The following CPPED1 variants were observed in gnomAD, a reference collection of about 807,000 sequenced individuals.
The protein encoded by CPPED1 is calcineurin like phosphoesterase domain containing 1, also known as serine/threonine-protein phosphatase CPPED1.
A neutral mutation model predicts 28.0 loss-of-function variants in CPPED1; 28 were observed. The ratio of observed to expected loss-of-function variants is 1.00; its 90% CI spans 0.74 to 1.37. CPPED1 has a LOEUF of 1.37. CPPED1 is among the 40% of genes most tolerant of loss of function. The pLI is 0.00. For synonymous variants in CPPED1, 198 were observed against 180.2 expected (o/e 1.10, Z -0.79); for missense variants, 504 against 416.5 (o/e 1.21, Z -1.83).
chr16:12,788,811 A>G (rs2080579438), intron 1 of CPPED1, among the ~76,000 whole-genome samples: 1 of 152,138 alleles, frequency 6.6e-6, no homozygotes. Context: ...CGTCTTGATA[A>G]ATGGGCTGTA....
At chr16:12,767,708 C>T (rs1438664222) in intron 2 of CPPED1, among the ~76,000 whole-genome samples, 1 of 152,184 alleles carries the variant, frequency 6.6e-6, no homozygotes, top group Non-Finnish European at 1.5e-5. Flanking sequence ...CCTGTAATCC[C>T]AGCACTTGGG....
At chr16:12,700,745 C>A (rs760872190) in intron 3 of CPPED1, among the ~76,000 whole-genome samples, 1 of 152,188 alleles carries the variant, frequency 6.6e-6, no homozygotes, top group African/African-American at 2.4e-5. Context: ...TTATTATGAG[C>A]TAATATCTGA....
At chr16:12,731,246 C>G (rs904998254) in intron 2 of CPPED1, among the ~76,000 whole-genome samples, 1 of 151,362 alleles carries the variant, frequency 6.6e-6, no homozygotes, top group African/African-American at 2.4e-5. Flanking sequence ...CTCCACCCCC[C>G]GGGTTCATGC....
intron 2 of CPPED1, among the ~76,000 whole-genome samples, chr16:12,735,182 A>AGTT (rs2080220345): frequency 6.6e-6 from 1 of 152,044 alleles, no homozygotes; most frequent in Non-Finnish European, 1.5e-5. Context: ...CTCCCAACAT[A>AGTT]CTCCATGGAC....
At chr16:12,731,949 G>C (rs1199531752) in intron 2 of CPPED1, among the ~76,000 whole-genome samples, 2 of 151,980 alleles carry the variant, frequency 1.3e-5, no homozygotes, top group African/African-American at 2.4e-5. Context: ...GATCACCTGA[G>C]GTCAGGTGTT....
At chr16:12,706,900 C>G (rs988944522) in intron 2 of CPPED1, among the ~76,000 whole-genome samples, 19 of 152,182 alleles carry the variant, frequency 1.2e-4, no homozygotes, top group African/African-American at 4.6e-4. Flanking sequence ...CGGCCTGAAG[C>G]CTAGTGGAGG....
chr16:12,702,834 C>A (rs1325657726), intron 3 of CPPED1, among the ~76,000 whole-genome samples: 1 of 151,720 alleles, frequency 6.6e-6, no homozygotes, highest in Non-Finnish European at 1.5e-5. Context: ...CTAAACCTGG[C>A]CAAACTGTCT....
chr16:12,781,441 T>G, intron 1 of CPPED1, 38 bp from the exon 2 acceptor site: 1 of 1,585,710 alleles, frequency 6.3e-7, no homozygotes, highest in Non-Finnish European at 8.6e-7. Context: ...GGAGAAATCT[T>G]GTAAAATCTG....
chr16:12,771,693 A>C (rs531712632), intron 2 of CPPED1, among the ~76,000 whole-genome samples: 1 of 152,342 alleles, frequency 6.6e-6, no homozygotes, highest in East Asian at 1.9e-4. Flanking sequence ...GAGGAAAATG[A>C]GTATCAACCT....
chr16:12,727,450 T>C (rs2080176085), intron 2 of CPPED1, among the ~76,000 whole-genome samples: 1 of 152,076 alleles, frequency 6.6e-6, no homozygotes, highest in African/African-American at 2.4e-5. Context: ...CCTCCTGGGA[T>C]CAAGCCATCC....
At chr16:12,773,262 T>A (rs779648822) in intron 2 of CPPED1, among the ~76,000 whole-genome samples, 5 of 152,184 alleles carry the variant, frequency 3.3e-5, no homozygotes, top group Non-Finnish European at 7.3e-5. Context: ...TTATTCAGTG[T>A]TGTGTAAAAA....
chr16:12,698,466 C>A (rs2080003712), intron 3 of CPPED1, among the ~76,000 whole-genome samples: 1 of 152,174 alleles, frequency 6.6e-6, no homozygotes, highest in Admixed American at 6.5e-5. Context: ...CAGTCTTGCT[C>A]TGTTGCCCAG....
chr16:12,740,869 A>G (rs767297614), intron 2 of CPPED1, among the ~76,000 whole-genome samples: 12 of 152,190 alleles, frequency 7.9e-5, no homozygotes, highest in Non-Finnish European at 1.3e-4. Flanking sequence ...CTGCTGCACC[A>G]TGTCCCCTAC....
In CPPED1 at chr16:12,676,503, G is replaced by C. The variant is rs150284155; in HGVS notation, c.716-11388C>G. On this transcript the variant is annotated intron_variant, in intron 3 of 3. Coordinates refer to ENST00000381774, the MANE Select transcript of CPPED1 (RefSeq NM_018340.3). The stretch of plus-strand genomic sequence containing the variant: ...ATATCATCCCCTTTTGCAGATGAGG[G>C]AATGAGGCGAGGACAGGTTAAGTGA... 3.0e-4 allele frequency among the ~76,000 whole-genome samples: 46 copies of C among 152,300 alleles called. No homozygotes were observed. The East Asian group carries it at 8.7e-3, about 29-fold the overall frequency.
intron 1 of CPPED1, among the ~76,000 whole-genome samples, chr16:12,799,278 ACT>A (rs575473133): frequency 3.1e-3 from 451 of 145,222 alleles, no homozygotes; most frequent in Admixed American, 4.4e-3. Context: ...CACAGTCATC[ACT>A]CTGTCTCCTA....
chr16:12,713,042 C>T (rs898994245), intron 2 of CPPED1, among the ~76,000 whole-genome samples: 3 of 151,914 alleles, frequency 2.0e-5, no homozygotes, highest in African/African-American at 7.3e-5. Context: ...CTGTTCTTTA[C>T]TCTCAGAAAG....
chr16:12,689,933 C>G (rs563586602), intron 3 of CPPED1, among the ~76,000 whole-genome samples: 7 of 152,358 alleles, frequency 4.6e-5, no homozygotes, highest in Non-Finnish European at 8.8e-5. Flanking sequence ...GATTACCTCT[C>G]TGTTCATCCT....
chr16:12,792,353 G>A (rs892857272), intron 1 of CPPED1, among the ~76,000 whole-genome samples: 4 of 152,140 alleles, frequency 2.6e-5, no homozygotes, highest in Non-Finnish European at 4.4e-5. Flanking sequence ...ACATTTTGAG[G>A]TATCACACTG....
intron 3 of CPPED1, among the ~76,000 whole-genome samples, chr16:12,690,156 T>C (rs8045278): frequency 0.25 from 37,341 of 152,078 alleles, 7,881 homozygotes; most frequent in African/African-American, 0.58. Flanking sequence ...GGGCTTGAAC[T>C]GGTGAGGGGC....
Sources: gnomAD v4.1 joint callset for allele counts (sites outside exome capture counted in the v4.1 genomes callset) on GRCh38, gnomAD v4.1.1 for gene constraint, MANE v1.5 for transcripts, NCBI Gene and HGNC (gene_info 2026-07-23, HGNC 2026-07-21) for gene names.